NREP: variants seen among roughly 807,000 people sequenced by gnomAD.
The protein encoded by NREP is neuronal regeneration related protein, also known as neuronal regeneration-related protein.
A neutral mutation model predicts 8.6 loss-of-function variants in NREP; 5 were observed. The ratio of observed to expected loss-of-function variants is 0.58; its 90% CI spans 0.30 to 1.22. The LOEUF (loss-of-function observed/expected upper bound fraction) is 1.22, where lower values mean the gene tolerates loss of function less well. Among genes scored for constraint, NREP ranks in the 50% most tolerant of loss-of-function variants. NREP has a pLI of 0.07. For synonymous variants in NREP, 27 were observed against 28.0 expected, an observed-to-expected ratio of 0.96 and a Z score of 0.11; for missense variants, 86 against 82.5, an observed-to-expected ratio of 1.04 and a Z score of -0.17.
intron 3 of NREP, among the ~76,000 whole-genome samples, 193 bp from the exon 4 acceptor site, chr5:111,731,239 G>GAAAT (rs1490024563): frequency 3.9e-5 from 6 of 152,248 alleles, no homozygotes; most frequent in Admixed American, 3.9e-4. Context: ...GGTCTGTGAG[G>GAAAT]AAATGAAGTA....
At chr5:111,818,025 C>A (rs1324547533) in intron 2 of NREP, among the ~76,000 whole-genome samples, 6 of 151,986 alleles carry the variant, frequency 3.9e-5, no homozygotes, top group Non-Finnish European at 7.4e-5. Flanking sequence ...ATCAGAAATT[C>A]CACAAGTTTC....
intron 2 of NREP, among the ~76,000 whole-genome samples, chr5:111,859,875 G>A (rs1194757409): frequency 6.6e-6 from 1 of 151,990 alleles, no homozygotes; most frequent in Non-Finnish European, 1.5e-5. Flanking sequence ...CAGGATCAAA[G>A]CACAGGTCAT....
At chr5:111,765,067 A>G (rs949684072) in intron 2 of NREP, among the ~76,000 whole-genome samples, 1 of 152,120 alleles carries the variant, frequency 6.6e-6, no homozygotes, top group Non-Finnish European at 1.5e-5. Context: ...GCATTCTCCA[A>G]CCTTTTGGGC....
At chr5:111,800,597 C>T (rs976864903) in intron 2 of NREP, among the ~76,000 whole-genome samples, 1 of 152,156 alleles carries the variant, frequency 6.6e-6, no homozygotes, top group Non-Finnish European at 1.5e-5. Context: ...GCTCCATTAG[C>T]CCAGAATTCC....
At chr5:111,836,753 A>T (rs1752905076) in intron 2 of NREP, among the ~76,000 whole-genome samples, 1 of 152,106 alleles carries the variant, frequency 6.6e-6, no homozygotes, top group African/African-American at 2.4e-5. Flanking sequence ...GACTCAGGGT[A>T]GTCTGCAAAG....
At chr5:111,881,987 T>G (rs533835342) in intron 2 of NREP, among the ~76,000 whole-genome samples, 1 of 152,306 alleles carries the variant, frequency 6.6e-6, no homozygotes, top group East Asian at 1.9e-4. Flanking sequence ...AGAGAATGAC[T>G]TTGACGAGTT....
rs151173359 is a variant in NREP, at chr5:111,914,096, G to C, written c.135+61178C>G. On this transcript the variant is annotated intron_variant, in intron 2 of 3. Coordinates refer to the NREP transcript ENST00000395634. ...AGGCAAAAGTTGGCACCAAGCTATG[G>C]ATAAATTCTTACTTTAGGTCCATAG... Among the ~76,000 whole-genome samples, 291 of 152,202 alleles carry C rather than the reference G, an allele frequency of 1.9e-3. 2 individuals are homozygous for C. Among genetic ancestry groups the C allele is most frequent in the African/African-American group, 6.8e-3 (283 of 41,548 alleles).
At chr5:111,875,159 A>AT (rs1198925659) in intron 2 of NREP, among the ~76,000 whole-genome samples, 3 of 152,020 alleles carry the variant, frequency 2.0e-5, no homozygotes, top group Non-Finnish European at 2.9e-5. Flanking sequence ...ACCAAAAGCG[A>AT]TTTTTTCCCT....
intron 2 of NREP, among the ~76,000 whole-genome samples, chr5:111,742,814 T>A (rs990220827): frequency 6.6e-6 from 1 of 151,938 alleles, no homozygotes; most frequent in African/African-American, 2.4e-5. Flanking sequence ...TCCTTTCCAA[T>A]AAGAGCACAT....
intron 2 of NREP, among the ~76,000 whole-genome samples, chr5:111,920,536 A>G (rs935449628): frequency 2.0e-5 from 3 of 152,154 alleles, no homozygotes; most frequent in African/African-American, 7.2e-5. Flanking sequence ...AGATGAGGTT[A>G]GAGCAGAAGT....
chr5:111,960,217 T>C (rs988410705), intron 2 of NREP, among the ~76,000 whole-genome samples: 1 of 152,192 alleles, frequency 6.6e-6, no homozygotes, highest in South Asian at 2.1e-4. Context: ...AGAATCTGTG[T>C]GCATCTTCAA....
chr5:111,874,962 G>C (rs1239622888), intron 2 of NREP, among the ~76,000 whole-genome samples: 1 of 152,114 alleles, frequency 6.6e-6, no homozygotes, highest in Non-Finnish European at 1.5e-5. Context: ...AAACTGTTAA[G>C]ATGCAAATAC....
chr5:111,799,325 G>T (rs180678857), intron 2 of NREP, among the ~76,000 whole-genome samples: 14 of 152,114 alleles, frequency 9.2e-5, no homozygotes, highest in Admixed American at 5.9e-4. Context: ...CATTTTGATG[G>T]GAATTGCATT....
chr5:111,916,023 G>C (rs766097856), intron 2 of NREP, among the ~76,000 whole-genome samples: 4 of 151,948 alleles, frequency 2.6e-5, no homozygotes, highest in African/African-American at 4.8e-5. Flanking sequence ...ATTTTTGCTG[G>C]AAGCCAAAAG....
chr5:111,906,119 T>G, intron 2 of NREP, among the ~76,000 whole-genome samples: 1 of 152,114 alleles, frequency 6.6e-6, no homozygotes, highest in East Asian at 1.9e-4. Context: ...GTTCATTTGG[T>G]AACCCATCAT....
intron 2 of NREP, among the ~76,000 whole-genome samples, chr5:111,791,268 T>C (rs1751739748): frequency 6.6e-6 from 1 of 152,192 alleles, no homozygotes; most frequent in Admixed American, 6.5e-5. Context: ...ATACAATGCA[T>C]TGTTATTAAC....
chr5:111,808,567 T>C (rs1394523548), intron 2 of NREP, among the ~76,000 whole-genome samples: 3 of 152,250 alleles, frequency 2.0e-5, no homozygotes, highest in Admixed American at 2.0e-4. Context: ...TTGTTCTTTT[T>C]TGTTTAGCAA....
At chr5:111,924,258 GAGA>G (rs1188322487) in intron 2 of NREP, among the ~76,000 whole-genome samples, 2 of 152,160 alleles carry the variant, frequency 1.3e-5, no homozygotes, top group African/African-American at 2.4e-5. Context: ...TTGGAGCACA[GAGA>G]AGAATAGCAT....
intron 2 of NREP, among the ~76,000 whole-genome samples, chr5:111,915,649 A>G (rs1755035866): frequency 6.6e-6 from 1 of 152,130 alleles, no homozygotes; most frequent in Non-Finnish European, 1.5e-5. Context: ...TTTGGCCCGT[A>G]GTAATACCAC....
Sources: allele counts gnomAD v4.1 joint callset (sites outside exome capture counted in the v4.1 genomes callset), GRCh38; gene constraint gnomAD v4.1.1; transcripts MANE v1.5; gene names NCBI Gene and HGNC (gene_info 2026-07-23, HGNC 2026-07-21).